The following BRD7 variants were observed in gnomAD, a reference collection of about 807,000 sequenced individuals.
BRD7 encodes bromodomain containing 7.
BRD7 carries 15 observed loss-of-function variants against 82.1 expected under a neutral mutation model. The observed-to-expected ratio is 0.18, with a 90% CI of 0.12 to 0.28. The LOEUF (loss-of-function observed/expected upper bound fraction) is 0.28, where lower values mean the gene tolerates loss of function less well. Ranked by LOEUF, BRD7 falls within the 10% of genes least tolerant of loss-of-function variation. The pLI is 1.00. For synonymous variants in BRD7, 232 were observed against 266.9 expected (o/e 0.87, Z 1.27); for missense variants, 638 against 779.9 (o/e 0.82, Z 2.17).
At chr16:50,351,436 G>T (rs76699351) in intron 4 of BRD7, among the ~76,000 whole-genome samples, 84 of 152,276 alleles carry the variant, frequency 5.5e-4, no homozygotes, top group African/African-American at 2.0e-3. Flanking sequence ...AGGAGTTACC[G>T]TAACGGCAGC....
intron 2 of BRD7, among the ~76,000 whole-genome samples, chr16:50,358,954 T>A (rs1268965428): frequency 1.3e-5 from 2 of 152,222 alleles, no homozygotes; most frequent in Non-Finnish European, 2.9e-5. Context: ...CAGTTTCCCA[T>A]CTGTACAACA....
intron 13 of BRD7, among the ~76,000 whole-genome samples, chr16:50,321,296 C>T (rs1213710090): frequency 6.6e-6 from 1 of 152,200 alleles, no homozygotes; most frequent in African/African-American, 2.4e-5. Context: ...CGCAGTGGCT[C>T]ATGCCTGTAA....
intron 4 of BRD7, among the ~76,000 whole-genome samples, chr16:50,352,500 T>G (rs76299250): frequency 0.016 from 2,459 of 152,286 alleles, 59 homozygotes; most frequent in African/African-American, 0.055. Context: ...GCACTGCAAT[T>G]AACACAAGAG....
chr16:50,368,693 G>GGCCCGCC (rs2039254881), intron 1 of BRD7, 33 bp downstream of exon 1: 1 of 1,524,538 alleles, frequency 6.6e-7, no homozygotes, highest in East Asian at 2.8e-5. Context: ...AGCCGCCGAG[G>GGCCCGCC]GCCCGCCGCC....
chr16:50,367,953 A>G lies in BRD7; in HGVS notation c.258+137T>C, dbSNP rs1412973278. The G allele has an allele frequency of 1.7e-5, 15 of 875,074 alleles. No individual in the cohort carries two copies. The East Asian group carries it at 2.4e-4, about 14-fold the overall frequency. 54.2% of individuals were successfully genotyped at this position (875,074 alleles called of 1,614,324 possible). ...AAACTCATAGATGATTCATGTCTCT[A>G]TTCTGTCCTGCTCCTCCTCAAACGA... On this transcript the variant is annotated intron_variant, in intron 2 of 16. Transcript: ENST00000394688.
chr16:50,357,845 G>C (rs2038796110), intron 2 of BRD7, among the ~76,000 whole-genome samples: 1 of 152,234 alleles, frequency 6.6e-6, no homozygotes, highest in South Asian at 2.1e-4. Context: ...GCTGCGGGTG[G>C]TGGTGCACGC....
intron 5 of BRD7, among the ~76,000 whole-genome samples, chr16:50,345,349 A>C (rs2038236394): frequency 1.3e-5 from 2 of 152,252 alleles, no homozygotes; most frequent in Non-Finnish European, 2.9e-5. Context: ...GCTAGAAAGA[A>C]ACTGCATCAA....
chr16:50,358,420 C>T (rs975267533), intron 2 of BRD7, among the ~76,000 whole-genome samples: 4 of 147,282 alleles, frequency 2.7e-5, no homozygotes, highest in African/African-American at 1.0e-4. Flanking sequence ...GGCTTGAGCC[C>T]AGGAGGTGGA....
intron 9 of BRD7, among the ~76,000 whole-genome samples, chr16:50,328,334 T>G (rs2037422974): frequency 6.6e-6 from 1 of 152,260 alleles, no homozygotes; most frequent in Admixed American, 6.5e-5. Context: ...ATATTCTGTG[T>G]GTATGAGATA....
intron 9 of BRD7, among the ~76,000 whole-genome samples, chr16:50,327,294 C>A (rs1277132055): frequency 5.3e-5 from 8 of 152,264 alleles, no homozygotes; most frequent in Non-Finnish European, 8.8e-5. Context: ...AAACTGGAAA[C>A]CCAGGAAACC....
chr16:50,321,333 G>T (rs1238176633), intron 13 of BRD7, among the ~76,000 whole-genome samples: 2 of 152,146 alleles, frequency 1.3e-5, no homozygotes, highest in Non-Finnish European at 2.9e-5. Flanking sequence ...GGCCGAGGTG[G>T]GCGGATCACC....
chr16:50,354,804 G>A lies in BRD7; in HGVS notation c.377C>T (p.Ala126Val). The A allele has an allele frequency of 1.9e-6, 3 of 1,611,450 alleles. No individual in the cohort carries two copies. The highest frequency in any genetic ancestry group is 2.5e-6 in the Non-Finnish European group (3 of 1,179,714). Residue 126 changes from alanine (A) to valine (V), a missense_variant, in exon 3 of 17, where the codon GCC (alanine) becomes GTC (valine). Ala to Val is a moderately conservative substitution (Grantham distance 64). Transcript: ENST00000394688. ...AGAGTTATTCCAACCTTCTTGTTTG[G>A]CTAAAGAGCTTGTGAGAGGCTTCTC... Reference protein sequence around the residue: ...PPEKPLTSSLAKQEEVEQTPL... With the variant: ...PPEKPLTSSLVKQEEVEQTPL...
chr16:50,325,776 C>T lies in BRD7; in HGVS notation c.1303G>A (p.Glu435Lys). The T allele has an allele frequency of 6.2e-7, 1 of 1,604,018 alleles. No individual in the cohort carries two copies. Residue 435 changes from glutamate to lysine, a missense_variant, in exon 11 of 17, where the codon GAA becomes AAA. Coordinates refer to ENST00000394688, the MANE Select transcript of BRD7 (RefSeq NM_013263.5). ...DSDLIYSTYGEDSDLPSDFSI... is the reference protein window; with the variant it reads ...DSDLIYSTYGKDSDLPSDFSI... ...AAATCACTTGGAAGATCAGAGTCTTCCCCATAGGTTGAATAGATTAAATCA... is the reference window on the plus strand; with the variant it reads ...AAATCACTTGGAAGATCAGAGTCTTTCCCATAGGTTGAATAGATTAAATCA...
intron 2 of BRD7, among the ~76,000 whole-genome samples, chr16:50,363,664 C>T (rs200223208): frequency 0.024 from 803 of 32,806 alleles, 7 homozygotes; most frequent in South Asian, 0.11. Context: ...TGTGTGTGCG[C>T]GCGCGCGCGT....
intron 14 of BRD7, 39 bp downstream of exon 14, chr16:50,320,624 T>C (rs769545756): frequency 6.7e-7 from 1 of 1,485,314 alleles, no homozygotes; most frequent in Admixed American, 1.7e-5. Flanking sequence ...ACTGCCTACA[T>C]CATGCAGTGT....
intron 9 of BRD7, among the ~76,000 whole-genome samples, chr16:50,327,857 CTGTTT>C (rs2037404808): frequency 2.0e-5 from 3 of 152,204 alleles, no homozygotes; most frequent in Admixed American, 6.5e-5. Context: ...TCCTCTCTCT[CTGTTT>C]TGTTCTCTAC....
At chr16:50,367,456 T>C (rs2039192341) in intron 2 of BRD7, among the ~76,000 whole-genome samples, 1 of 152,204 alleles carries the variant, frequency 6.6e-6, no homozygotes, top group South Asian at 2.1e-4. Flanking sequence ...ACTTCCAGCC[T>C]CAAGCAATCC....
In BRD7 at chr16:50,351,361, C is replaced by T. The variant is rs1454084268; in HGVS notation, c.447-1194G>A. 3.3e-5 allele frequency among the ~76,000 whole-genome samples: 5 copies of T among 152,298 alleles called. No homozygotes were observed. In the East Asian group the frequency reaches 9.6e-4, roughly 29 times the overall value. ...ACAGCAGGATGCCTAAGCAGTGAGA[C>T]TAAAAAATGACAACAAGCAAAAATA... is the stretch of plus-strand genomic sequence containing the variant. On this transcript the variant is annotated intron_variant, in intron 4 of 16. Coordinates refer to ENST00000394688, the MANE Select transcript of BRD7 (RefSeq NM_013263.5).
chr16:50,361,800 C>T (rs1045316867), intron 2 of BRD7: 1 of 152,186 alleles, frequency 6.6e-6, no homozygotes, highest in Admixed American at 6.5e-5. Flanking sequence ...ACTTTATGTC[C>T]CCTATACGCA....
Sources: allele counts gnomAD v4.1 joint callset (sites outside exome capture counted in the v4.1 genomes callset), GRCh38; gene constraint gnomAD v4.1.1; transcripts MANE v1.5; gene names NCBI Gene and HGNC (gene_info 2026-07-23, HGNC 2026-07-21).